The following GPR39 variants were observed in gnomAD, a reference collection of about 807,000 sequenced individuals.
GPR39 encodes zinc sensing receptor.
GPR39 carries 23 observed loss-of-function variants against 18.4 expected under a neutral mutation model. That is an observed-to-expected ratio of 1.25 (90% CI 0.90 to 1.77). GPR39 has a LOEUF of 1.77. GPR39 is among the 40% of genes most tolerant of loss of function. The probability of loss-of-function intolerance (pLI) is 0.00; values close to 1 mark genes in which losing one functional copy is unlikely to be tolerated. For missense variants in GPR39, 647 were observed against 602.4 expected, an observed-to-expected ratio of 1.07 and a Z score of -0.78; for synonymous variants, 280 against 257.9, an observed-to-expected ratio of 1.09 and a Z score of -0.82.
chr2:132,459,383 C>G (rs1680791861), intron 1 of GPR39, among the ~76,000 whole-genome samples: 1 of 152,330 alleles, frequency 6.6e-6, no homozygotes. Context: ...CAGCTGTTTT[C>G]TTTTCTCGTT....
rs1299261201 is a variant in GPR39, at chr2:132,646,407, AG to A, written c.*804del. The A allele has an allele frequency of 1.0e-5, 5 of 493,674 alleles. No homozygotes were observed. The East Asian group carries it at 1.7e-4, about 17-fold the overall frequency. The allele number at this position is 493,674 out of a possible 1,614,324, so 30.6% of individuals were successfully genotyped here. A position where few individuals can be genotyped will look rare whatever the true frequency, so the allele number is the denominator to read the frequency against. ...CACAGCCCAGAGACTAGGTGAGGTC[AG>A]GGAAGTGCTTCGGATTGTCTCATTG... On this transcript the variant is annotated 3_prime_UTR_variant, in exon 2 of 2. Transcript: ENST00000329321.
intron 1 of GPR39, among the ~76,000 whole-genome samples, chr2:132,487,459 A>G (rs940548288): frequency 6.6e-6 from 1 of 152,198 alleles, no homozygotes; most frequent in Admixed American, 6.5e-5. Context: ...AGCGAAGCAT[A>G]ATAAACCAAA....
intron 1 of GPR39, among the ~76,000 whole-genome samples, chr2:132,501,054 G>GTTTTTTTTTTTTTTTTTTTTTTTGTT (rs55720929): frequency 1.1e-5 from 1 of 90,326 alleles, no homozygotes; most frequent in African/African-American, 4.1e-5. Flanking sequence ...TATCTTTTGT[G>GTTTTTTTTTTTTTTTTTTTTTTTGTT]TTTTTTTTTT....
At chr2:132,616,750 A>G (rs778712582) in intron 1 of GPR39, among the ~76,000 whole-genome samples, 7 of 152,178 alleles carry the variant, frequency 4.6e-5, no homozygotes, top group Non-Finnish European at 1.0e-4. Context: ...GTTTTAATGG[A>G]GCCATGCATA....
intron 1 of GPR39, among the ~76,000 whole-genome samples, chr2:132,595,465 C>T (rs1680924476): frequency 6.6e-6 from 1 of 152,074 alleles, no homozygotes; most frequent in Admixed American, 6.6e-5. Context: ...ACCTACAAGT[C>T]CTTGTCCTGT....
intron 1 of GPR39, among the ~76,000 whole-genome samples, chr2:132,633,925 G>A (rs1001496097): frequency 2.6e-5 from 4 of 151,600 alleles, no homozygotes; most frequent in Non-Finnish European, 5.9e-5. Context: ...TGGTGTGGTA[G>A]CAGTGTTATT....
chr2:132,643,093 T>C (rs1355076967), intron 1 of GPR39, among the ~76,000 whole-genome samples: 1 of 152,200 alleles, frequency 6.6e-6, no homozygotes, highest in Non-Finnish European at 1.5e-5. Context: ...TTATGTATTT[T>C]TTTAAAATCA....
chr2:132,529,123 TAGAC>T (rs1174838558), intron 1 of GPR39, among the ~76,000 whole-genome samples: 2 of 152,046 alleles, frequency 1.3e-5, no homozygotes, highest in Admixed American at 6.6e-5. Flanking sequence ...AAAGGGGTGA[TAGAC>T]AGCACCTGGA....
At chr2:132,550,961 G>A (rs760075559) in intron 1 of GPR39, among the ~76,000 whole-genome samples, 5 of 152,164 alleles carry the variant, frequency 3.3e-5, no homozygotes, top group Non-Finnish European at 7.3e-5. Context: ...GTTTCTTGTG[G>A]TTTAGGTGGA....
chr2:132,418,860 T>G (rs1679959187), intron 1 of GPR39, among the ~76,000 whole-genome samples: 1 of 152,092 alleles, frequency 6.6e-6, no homozygotes, highest in South Asian at 2.1e-4. Context: ...CAAAAAGGAA[T>G]AGATATAACA....
At chr2:132,559,669 G>A (rs1224246660) in intron 1 of GPR39, among the ~76,000 whole-genome samples, 2 of 152,046 alleles carry the variant, frequency 1.3e-5, no homozygotes, top group African/African-American at 2.4e-5. Flanking sequence ...TGGCTAGAAA[G>A]AATGAGGCCA....
chr2:132,510,529 A>G (rs968178423), intron 1 of GPR39, among the ~76,000 whole-genome samples: 1 of 152,254 alleles, frequency 6.6e-6, no homozygotes, highest in Admixed American at 6.5e-5. Flanking sequence ...CAGAGCCTGG[A>G]CTATTCCAGC....
At chr2:132,547,669 C>T (rs1178871698) in intron 1 of GPR39, among the ~76,000 whole-genome samples, 2 of 152,130 alleles carry the variant, frequency 1.3e-5, no homozygotes, top group African/African-American at 4.8e-5. Flanking sequence ...TATCTCCCTC[C>T]CTGAGTTGAA....
Position 132,417,762 on chromosome 2 carries a change from C to A in GPR39, c.720C>A (p.Phe240Leu). 1 of 1,614,196 alleles carries A rather than the reference C, an allele frequency of 6.2e-7. No homozygotes were observed. Among genetic ancestry groups the A allele is most frequent in the Non-Finnish European group, 8.5e-7 (1 of 1,180,046 alleles). Residue 240 changes from phenylalanine (F) to leucine (L), a missense_variant, in exon 1 of 2, where the codon TTC (phenylalanine) becomes TTA (leucine). Transcript: ENST00000329321. ...TCGTGGTCCTGCTCTCCGTAGCCTT[C>A]ATGTGCTGGAACATGATGCAGGTGC... ...VYLVVLLSVA[F>L]MCWNMMQVLM... is the part of the protein sequence containing the mutation.
chr2:132,458,086 C>T (rs1441667310), intron 1 of GPR39, among the ~76,000 whole-genome samples: 1 of 152,208 alleles, frequency 6.6e-6, no homozygotes, highest in Non-Finnish European at 1.5e-5. Context: ...CTTGCACATC[C>T]TGGGTGAGAC....
intron 1 of GPR39, among the ~76,000 whole-genome samples, chr2:132,433,331 C>T (rs1680255914): frequency 6.6e-6 from 1 of 152,110 alleles, no homozygotes; most frequent in South Asian, 2.1e-4. Context: ...GTAGCTACCT[C>T]CTGTTGCTAT....
At chr2:132,531,430 CATT>C (rs1679628379) in intron 1 of GPR39, among the ~76,000 whole-genome samples, 1 of 152,168 alleles carries the variant, frequency 6.6e-6, no homozygotes, top group Admixed American at 6.5e-5. Flanking sequence ...CCACTGTCAA[CATT>C]AGACAGATCA....
At chr2:132,612,411 T>C (rs2104851304) in intron 1 of GPR39, among the ~76,000 whole-genome samples, 1 of 152,330 alleles carries the variant, frequency 6.6e-6, no homozygotes, top group Non-Finnish European at 1.5e-5. Flanking sequence ...AATCAGTTCC[T>C]GCAAAGAACT....
At chr2:132,512,648 G>A (rs956293178) in intron 1 of GPR39, among the ~76,000 whole-genome samples, 3 of 152,170 alleles carry the variant, frequency 2.0e-5, no homozygotes, top group Non-Finnish European at 4.4e-5. Context: ...CTTAACAATA[G>A]TTTTCACCTA....
Sources: gnomAD v4.1 joint callset for allele counts (sites outside exome capture counted in the v4.1 genomes callset) on GRCh38, gnomAD v4.1.1 for gene constraint, MANE v1.5 for transcripts, NCBI Gene and HGNC (gene_info 2026-07-23, HGNC 2026-07-21) for gene names.